ARHGAP17: variants seen among roughly 807,000 people sequenced by gnomAD.
ARHGAP17 encodes the protein rho GTPase-activating protein 17.
A neutral mutation model predicts 99.5 loss-of-function variants in ARHGAP17; 57 were observed. That is an observed-to-expected ratio of 0.57 (90% CI 0.46 to 0.71). The LOEUF is 0.71. ARHGAP17 is among the 30% of genes least tolerant of loss of function. The probability of loss-of-function intolerance (pLI) is 0.00; values close to 1 mark genes in which losing one functional copy is unlikely to be tolerated. For synonymous variants in ARHGAP17, 417 were observed against 429.6 expected, an observed-to-expected ratio of 0.97 and a Z score of 0.36; for missense variants, 1,000 against 1,122.4, an observed-to-expected ratio of 0.89 and a Z score of 1.56.
intron 1 of ARHGAP17, among the ~76,000 whole-genome samples, chr16:25,008,691 C>T (rs2053568449): frequency 2.6e-5 from 4 of 152,184 alleles, no homozygotes; most frequent in Admixed American, 2.0e-4. Flanking sequence ...GGTTTTGCCT[C>T]GTCCACTCTG....
intron 3 of ARHGAP17, among the ~76,000 whole-genome samples, chr16:24,971,485 A>C (rs1476970322): frequency 1.3e-5 from 2 of 151,832 alleles, no homozygotes; most frequent in Non-Finnish European, 2.9e-5. Context: ...CACCACTTAC[A>C]CCCAGCTAAT....
At chr16:24,977,449 C>G (rs2052553077) in intron 2 of ARHGAP17, 130 bp from the exon 3 acceptor site, 1 of 642,626 alleles carries the variant, frequency 1.6e-6, no homozygotes, top group Non-Finnish European at 2.5e-6. Context: ...CTTGCTATCA[C>G]ACTGAGTGGC....
intron 19 of ARHGAP17, among the ~76,000 whole-genome samples, chr16:24,924,800 T>C (rs1187723474): frequency 6.6e-6 from 1 of 151,244 alleles, no homozygotes; most frequent in African/African-American, 2.4e-5. Context: ...GAGGTGGAGG[T>C]CACAGTGAGC....
At chr16:24,927,734 T>C (rs1462636512) in intron 19 of ARHGAP17, 1 of 1,162,070 alleles carries the variant, frequency 8.6e-7, no homozygotes. Flanking sequence ...GTCATACATC[T>C]AAATTATTTA....
intron 4 of ARHGAP17, 127 bp from the exon 5 acceptor site, chr16:24,968,899 A>T: frequency 1.3e-6 from 1 of 768,468 alleles, no homozygotes; most frequent in Non-Finnish European, 2.1e-6. Context: ...AGCCTTGAAA[A>T]TATTATAAAT....
At chr16:25,015,143 G>GC (rs59433706) in intron 1 of ARHGAP17, 66 bp downstream of exon 1, 6 of 1,135,300 alleles carry the variant, frequency 5.3e-6, no homozygotes, top group Middle Eastern at 3.6e-4. Context: ...GAGCCGTCCC[G>GC]CCCCCGCGCC....
chr16:24,932,079 C>T (rs1334959015), intron 18 of ARHGAP17, among the ~76,000 whole-genome samples: 2 of 151,056 alleles, frequency 1.3e-5, no homozygotes, highest in East Asian at 3.9e-4. Context: ...CCACTGAATT[C>T]CAGCCTGGGC....
intron 1 of ARHGAP17, 70 bp downstream of exon 1, chr16:25,015,139 T>TTGGG: frequency 8.4e-7 from 1 of 1,195,766 alleles, no homozygotes; most frequent in Non-Finnish European, 1.0e-6. Flanking sequence ...GGAGGAGCCG[T>TTGGG]CCCGCCCCCG....
chr16:24,983,083 C>T (rs1452958457), intron 1 of ARHGAP17, among the ~76,000 whole-genome samples: 1 of 142,000 alleles, frequency 7.0e-6, no homozygotes, highest in Non-Finnish European at 1.5e-5. Context: ...CAGATCACTG[C>T]AATCTCTGCT....
At chr16:24,946,143 T>G (rs920908949) in intron 14 of ARHGAP17, among the ~76,000 whole-genome samples, 6 of 152,140 alleles carry the variant, frequency 3.9e-5, no homozygotes, top group African/African-American at 1.4e-4. Flanking sequence ...AATCTACATT[T>G]TGCAATGCCA....
intron 16 of ARHGAP17, chr16:24,939,898 A>G: frequency 2.6e-6 from 1 of 392,084 alleles, no homozygotes; most frequent in South Asian, 2.4e-5. Flanking sequence ...TTATCCCCAT[A>G]CTTCCTCTGC....
intron 19 of ARHGAP17, among the ~76,000 whole-genome samples, chr16:24,921,323 G>A (rs2050714425): frequency 6.6e-6 from 1 of 152,224 alleles, no homozygotes; most frequent in African/African-American, 2.4e-5. Context: ...AGAGAAGAGA[G>A]ATGTTTTGTA....
At chr16:24,999,010 C>G (rs1307345648) in intron 1 of ARHGAP17, among the ~76,000 whole-genome samples, 1 of 152,190 alleles carries the variant, frequency 6.6e-6, no homozygotes, top group Non-Finnish European at 1.5e-5. Flanking sequence ...GAATGTCTTT[C>G]TGGACAAGAG....
At position 24,955,003 on chromosome 16, in the gene ARHGAP17, CTGCA is replaced by C; in HGVS notation, c.725-277_725-274del. ...CAGAAGCTGCAGTGGCACGCTGCACCTGCACCACACTTCATCAACACACGCCAGC... is the reference window on the plus strand; with the variant it reads ...CAGAAGCTGCAGTGGCACGCTGCACCCCACACTTCATCAACACACGCCAGC... On this transcript the variant is annotated intron_variant, in intron 9 of 19. Coordinates refer to ENST00000289968, the MANE Select transcript of ARHGAP17 (RefSeq NM_001006634.3). The surrounding 1 kb of genome is among the most constrained non-coding windows in gnomAD (Gnocchi z 4.0). The C allele has an allele frequency of 2.5e-6, 1 of 400,216 alleles. No homozygotes were observed. Among genetic ancestry groups the C allele is most frequent in the South Asian group, 3.9e-5 (1 of 25,536 alleles). 24.8% of individuals were successfully genotyped at this position (400,216 alleles called of 1,614,324 possible).
At chr16:24,989,056 A>C (rs1273456108) in intron 1 of ARHGAP17, among the ~76,000 whole-genome samples, 1 of 152,254 alleles carries the variant, frequency 6.6e-6, no homozygotes, top group Non-Finnish European at 1.5e-5. Flanking sequence ...GGAGGAGTCC[A>C]GTTTACTGCT....
chr16:24,937,922 CAT>C (rs1377569448), intron 17 of ARHGAP17, among the ~76,000 whole-genome samples: 1 of 152,178 alleles, frequency 6.6e-6, no homozygotes, highest in Non-Finnish European at 1.5e-5. Flanking sequence ...CAATGCAGAA[CAT>C]ATGACAACAA....
At chr16:24,939,009 T>A (rs1567215417) in intron 17 of ARHGAP17, among the ~76,000 whole-genome samples, 1 of 152,082 alleles carries the variant, frequency 6.6e-6, no homozygotes. Flanking sequence ...CTCAAATGCT[T>A]CCTGGTTAGC....
At chr16:24,928,400 T>A (rs974903831) in intron 19 of ARHGAP17, among the ~76,000 whole-genome samples, 1 of 152,216 alleles carries the variant, frequency 6.6e-6, no homozygotes, top group Non-Finnish European at 1.5e-5. Flanking sequence ...ATTTCACTTA[T>A]CTAATAATTA....
intron 9 of ARHGAP17, chr16:24,957,551 G>C (rs571491971): frequency 6.6e-6 from 1 of 152,254 alleles, no homozygotes; most frequent in African/African-American, 2.4e-5. Flanking sequence ...GAAGACAGTC[G>C]AGTGGCGTGA....
Sources: gnomAD v4.1 joint callset for allele counts (sites outside exome capture counted in the v4.1 genomes callset) on GRCh38, gnomAD v4.1.1 for gene constraint, Gnocchi (gnomAD v3.1) non-coding constraint, MANE v1.5 for transcripts, NCBI Gene and HGNC (gene_info 2026-07-23, HGNC 2026-07-21) for gene names.